ADAM17: variants seen among roughly 807,000 people sequenced by gnomAD.
The protein encoded by ADAM17 is ADAM metallopeptidase domain 17.
Under a neutral mutation model 96.7 loss-of-function variants are expected in ADAM17, and 39 were observed. That is an observed-to-expected ratio of 0.40 (90% CI 0.31 to 0.53). ADAM17 has a LOEUF of 0.53. ADAM17 is among the 20% of genes least tolerant of loss of function. ADAM17 has a pLI of 0.44. For missense variants in ADAM17, 777 were observed against 1,013.2 expected (o/e 0.77, Z 3.17); for synonymous variants, 344 against 359.2 (o/e 0.96, Z 0.48).
intron 2 of ADAM17, among the ~76,000 whole-genome samples, chr2:9,537,122 A>G (rs966358993): frequency 2.0e-5 from 3 of 152,240 alleles, no homozygotes; most frequent in African/African-American, 7.2e-5. Flanking sequence ...GGAAACACAC[A>G]TGACTGCGTA....
intron 1 of ADAM17, among the ~76,000 whole-genome samples, chr2:9,546,345 T>C (rs1665403120): frequency 6.6e-6 from 1 of 152,224 alleles, no homozygotes; most frequent in South Asian, 2.1e-4. Flanking sequence ...GATTCTCTTT[T>C]AATAACTGGA....
At chr2:9,501,288 C>T (rs1437040514) in intron 13 of ADAM17, among the ~76,000 whole-genome samples, 3 of 152,150 alleles carry the variant, frequency 2.0e-5, no homozygotes, top group Non-Finnish European at 4.4e-5. Context: ...ACTTTATACT[C>T]ATCATGCTAA....
chr2:9,519,271 A>G (rs998578958), intron 8 of ADAM17, among the ~76,000 whole-genome samples: 1 of 152,172 alleles, frequency 6.6e-6, no homozygotes, highest in Admixed American at 6.5e-5. Flanking sequence ...GTGTGGTTAC[A>G]TGGGGATTCT....
intron 1 of ADAM17, among the ~76,000 whole-genome samples, chr2:9,546,425 T>G (rs1665405779): frequency 6.6e-6 from 1 of 152,216 alleles, no homozygotes; most frequent in African/African-American, 2.4e-5. Flanking sequence ...GGAGCCAAAC[T>G]GTAGCTACGT....
chr2:9,548,932 A>C (rs1665499043), intron 1 of ADAM17, among the ~76,000 whole-genome samples: 1 of 152,190 alleles, frequency 6.6e-6, no homozygotes, highest in Non-Finnish European at 1.5e-5. Flanking sequence ...CCACTCTCCC[A>C]CTTCTCTTAT....
rs758081961 is a variant in ADAM17, at chr2:9,502,879, CAA to C, written c.1545-605_1545-604del. 4.2e-3 allele frequency among the ~76,000 whole-genome samples: 185 copies of C among 43,586 alleles called. 1 individual carries two copies. The highest frequency in any genetic ancestry group is 0.017 in the African/African-American group (179 of 10,714). 28.6% of individuals were successfully genotyped at this position (43,586 alleles called of 152,430 possible). On this transcript the variant is annotated intron_variant, in intron 12 of 18. Transcript: ENST00000310823. ...AGGCAACAAGAGAGAAATTCTGTCT[CAA>C]AAAAAAAAAAAAAAAAAAAAAAGAT... is the stretch of plus-strand genomic sequence containing the variant.
At position 9,505,200 on chromosome 2, in the gene ADAM17, T is replaced by C. The variant is rs201743292; in HGVS notation, c.1510A>G (p.Ser504Gly). The C allele has an allele frequency of 2.8e-5, 45 of 1,614,108 alleles. No homozygotes were observed. Among genetic ancestry groups the C allele is most frequent in the Non-Finnish European group, 3.6e-5 (43 of 1,180,054 alleles). The change falls in exon 12 of 19, where the codon AGC (serine) becomes GGC (glycine). Residue 504 changes from serine to glycine, a missense_variant. Physicochemically the swap from Ser to Gly is moderately conservative, Grantham distance 56. Coordinates refer to ENST00000310823, the MANE Select transcript of ADAM17 (RefSeq NM_003183.6). ...ACACCTTCCTTCAACGTGCAGTCGC[T>C]GTTGCAGCAGGTGTCGTTGTTCAGA... is the stretch of plus-strand genomic sequence containing the variant. ...MYLNNDTCCN[S>G]DCTLKEGVQC...
intron 15 of ADAM17, 114 bp from the exon 16 acceptor site, chr2:9,493,939 T>G: frequency 1.6e-5 from 13 of 817,928 alleles, no homozygotes; most frequent in Non-Finnish European, 2.4e-5. Flanking sequence ...TCAAACGTTT[T>G]CCCATCTTTG....
chr2:9,521,618 T>C (rs1318811791), intron 7 of ADAM17: 1 of 164,752 alleles, frequency 6.1e-6, no homozygotes, highest in Non-Finnish European at 1.3e-5. Flanking sequence ...AAAATATTTA[T>C]TACGACTACA....
intron 4 of ADAM17, among the ~76,000 whole-genome samples, chr2:9,528,818 A>G (rs1340991217): frequency 1.3e-5 from 2 of 152,248 alleles, no homozygotes; most frequent in African/African-American, 4.8e-5. Context: ...GTGAGGATGT[A>G]GAGAAATCCA....
At chr2:9,491,259 G>T in intron 17 of ADAM17, 108 bp from the exon 18 acceptor site, 3 of 965,992 alleles carry the variant, frequency 3.1e-6, no homozygotes, top group Non-Finnish European at 4.7e-6. Context: ...TAGAACCTGA[G>T]TTGTAGAAAG....
At chr2:9,497,851 CCTT>C (rs1037570067) in intron 13 of ADAM17, among the ~76,000 whole-genome samples, 8 of 151,688 alleles carry the variant, frequency 5.3e-5, no homozygotes, top group Non-Finnish European at 1.2e-4. Context: ...CTATCACACT[CCTT>C]CTCTCCTTCA....
intron 10 of ADAM17, among the ~76,000 whole-genome samples, chr2:9,515,423 A>G (rs898597380): frequency 2.0e-5 from 3 of 152,136 alleles, no homozygotes; most frequent in Admixed American, 1.3e-4. Context: ...AGTTTTATCA[A>G]TTATGAATTA....
intron 2 of ADAM17, among the ~76,000 whole-genome samples, chr2:9,542,857 C>T (rs944561523): frequency 6.6e-6 from 1 of 152,064 alleles, no homozygotes; most frequent in African/African-American, 2.4e-5. Flanking sequence ...GTCACCATGC[C>T]TAATTTTTGT....
At chr2:9,550,138 C>T (rs561167596) in intron 1 of ADAM17, among the ~76,000 whole-genome samples, 2 of 152,186 alleles carry the variant, frequency 1.3e-5, no homozygotes, top group African/African-American at 4.8e-5. Context: ...GTGTCAGGTG[C>T]GGGTTGTTGG....
chr2:9,517,127 CCT>C (rs1294874926), intron 10 of ADAM17, among the ~76,000 whole-genome samples: 1 of 152,162 alleles, frequency 6.6e-6, no homozygotes, highest in Non-Finnish European at 1.5e-5. Flanking sequence ...ACTGAGGGTA[CCT>C]CTGAGTTGCT....
At chr2:9,493,185 T>C (rs1202629339) in intron 16 of ADAM17, among the ~76,000 whole-genome samples, 199 bp from the exon 17 acceptor site, 1 of 152,214 alleles carries the variant, frequency 6.6e-6, no homozygotes, top group Non-Finnish European at 1.5e-5. Context: ...AGCCCTCATA[T>C]ACTGGCTGAC....
intron 1 of ADAM17, among the ~76,000 whole-genome samples, chr2:9,546,263 T>C (rs1023355899): frequency 3.9e-5 from 6 of 152,238 alleles, no homozygotes; most frequent in African/African-American, 1.4e-4. Flanking sequence ...ATATTTTCTA[T>C]AATAAGCACT....
intron 6 of ADAM17, 54 bp from the exon 7 acceptor site, chr2:9,523,392 G>T: frequency 1.4e-6 from 2 of 1,401,906 alleles, no homozygotes; most frequent in Non-Finnish European, 1.0e-6. Context: ...ACCTCTCCTG[G>T]CAATGCAATA....
Sources: gnomAD v4.1 joint callset for allele counts (sites outside exome capture counted in the v4.1 genomes callset) on GRCh38, gnomAD v4.1.1 for gene constraint, MANE v1.5 for transcripts, NCBI Gene and HGNC (gene_info 2026-07-23, HGNC 2026-07-21) for gene names.